Variants in DNAH11 observed in about 807,000 individuals in gnomAD.
DNAH11 encodes the protein axonemal beta dynein heavy chain 11.
A neutral mutation model predicts 526.0 loss-of-function variants in DNAH11; 442 were observed. The ratio of observed to expected loss-of-function variants is 0.84; its 90% CI spans 0.78 to 0.91. The LOEUF (loss-of-function observed/expected upper bound fraction) is 0.91, where lower values mean the gene tolerates loss of function less well. Ranked by LOEUF, DNAH11 falls within the 40% of genes least tolerant of loss-of-function variation. DNAH11 has a pLI of 0.00. For missense variants in DNAH11, 6,989 were observed against 5,448.7 expected (o/e 1.28, Z -8.90); for synonymous variants, 2,461 against 1,935.9 (o/e 1.27, Z -7.12).
At chr7:21,856,091 G>T (rs1215007730) in intron 68 of DNAH11, among the ~76,000 whole-genome samples, 1 of 152,162 alleles carries the variant, frequency 6.6e-6, no homozygotes. Flanking sequence ...TGGCTGCAGG[G>T]TAATGAGCAA....
intron 18 of DNAH11, among the ~76,000 whole-genome samples, chr7:21,604,693 A>G (rs1339744342): frequency 1.3e-5 from 2 of 152,154 alleles, no homozygotes; most frequent in Non-Finnish European, 2.9e-5. Flanking sequence ...TATTTTTACC[A>G]AGTAAAAACT....
At chr7:21,836,154 T>C (rs1781988430) in intron 65 of DNAH11, among the ~76,000 whole-genome samples, 1 of 151,902 alleles carries the variant, frequency 6.6e-6, no homozygotes, top group Non-Finnish European at 1.5e-5. Flanking sequence ...AGAATTAACA[T>C]TGTAAAACTG....
rs114404925 is a variant in DNAH11 at position 21,653,749 on chromosome 7, G to A, written c.4945-2083G>A. Reference sequence around the variant, plus strand: ...CGCTCTATCTGTGTTTAAAGTAAGCGAGAGTCTCAAAAACTCATCTATTTG... The same window carrying A: ...CGCTCTATCTGTGTTTAAAGTAAGCAAGAGTCTCAAAAACTCATCTATTTG... On this transcript the variant is annotated intron_variant, in intron 28 of 81. Coordinates refer to ENST00000409508, the MANE Select transcript of DNAH11 (RefSeq NM_001277115.2). 7.4e-3 allele frequency among the ~76,000 whole-genome samples: 1,127 copies of A among 152,254 alleles called. 14 individuals carry two copies. The highest frequency in any genetic ancestry group is 0.023 in the African/African-American group (966 of 41,544).
At chr7:21,728,374 C>T (rs80254721) in intron 45 of DNAH11, among the ~76,000 whole-genome samples, 33,183 of 150,140 alleles carry the variant, frequency 0.22, 3,873 homozygotes, top group Non-Finnish European at 0.25. Context: ...TCTCCTGCCT[C>T]AGCCTCCCGA....
At chr7:21,633,730 GC>G (rs1786728272) in intron 25 of DNAH11, among the ~76,000 whole-genome samples, 1 of 152,194 alleles carries the variant, frequency 6.6e-6, no homozygotes, top group East Asian at 1.9e-4. Context: ...AGACAGAGAG[GC>G]TTTGTGATTA....
At chr7:21,611,119 G>C in intron 20 of DNAH11, among the ~76,000 whole-genome samples, 1 of 152,142 alleles carries the variant, frequency 6.6e-6, no homozygotes, top group East Asian at 1.9e-4. Flanking sequence ...AGTGCGGGTG[G>C]GCATTGTCCA....
chr7:21,700,145 G>T (rs1041238522), intron 36 of DNAH11, among the ~76,000 whole-genome samples: 1 of 152,164 alleles, frequency 6.6e-6, no homozygotes, highest in Non-Finnish European at 1.5e-5. Flanking sequence ...TAGCTAACAA[G>T]GGATAAGGGC....
chr7:21,577,471 G>T (rs7803297), intron 8 of DNAH11, among the ~76,000 whole-genome samples: 22,912 of 152,138 alleles, frequency 0.15, 1,746 homozygotes, highest in East Asian at 0.19. Flanking sequence ...GACCATGTGG[G>T]AATCCTGGAT....
chr7:21,865,520 G>A lies in DNAH11; in HGVS notation c.11496+863G>A, dbSNP rs375901912. 1.3e-4 allele frequency among the ~76,000 whole-genome samples: 20 copies of A among 152,300 alleles called. No homozygotes were observed. The East Asian group carries it at 3.9e-3, about 29-fold the overall frequency. ...AACCAGGGGATGGGGAAGGAAAAAG[G>A]AGGAAAAGGACAGTTACTGGAACTT... On this transcript the variant is annotated intron_variant, in intron 70 of 81. Coordinates refer to ENST00000409508, the MANE Select transcript of DNAH11 (RefSeq NM_001277115.2).
chr7:21,899,272 A>G, intron 79 of DNAH11, 64 bp from the exon 80 acceptor site: 1 of 1,331,922 alleles, frequency 7.5e-7, no homozygotes, highest in Non-Finnish European at 1.1e-6. Context: ...CCCACAACAG[A>G]ACATACTGGA....
chr7:21,741,816 A>C, intron 48 of DNAH11, 111 bp from the exon 49 acceptor site: 1 of 1,262,184 alleles, frequency 7.9e-7, no homozygotes, highest in East Asian at 2.5e-5. Flanking sequence ...AGCACTAAAA[A>C]GCTACATGGT....
In DNAH11 at chr7:21,561,149, AT is replaced by A; in HGVS notation, c.966del (p.Leu323TrpfsTer17). On this transcript the variant is annotated frameshift_variant, in exon 5 of 82. Coordinates refer to ENST00000409508, the MANE Select transcript of DNAH11 (RefSeq NM_001277115.2). LOFTEE classifies it high-confidence loss of function. ...CAGCTATTTTCCTACTCTGAAGGAC[AT>A]TTTTCTGGCTGTGGAAAATGGTAAG... ...QSSYFPTLKD[I>X]FLAVENALLE... 6.3e-7 allele frequency: 1 copy of A among 1,595,800 alleles called. No individual in the cohort carries two copies. Among genetic ancestry groups the A allele is most frequent in the Non-Finnish European group, 8.5e-7 (1 of 1,170,418 alleles).
intron 25 of DNAH11, among the ~76,000 whole-genome samples, chr7:21,626,134 C>G (rs1022731149): frequency 6.6e-6 from 1 of 152,070 alleles, no homozygotes; most frequent in East Asian, 1.9e-4. Context: ...TGTAGCCACC[C>G]TACTGATCTA....
chr7:21,662,169 G>A (rs1782265827), intron 30 of DNAH11, among the ~76,000 whole-genome samples: 1 of 152,068 alleles, frequency 6.6e-6, no homozygotes, highest in East Asian at 1.9e-4. Flanking sequence ...ATAAGGGCTG[G>A]CTATTGCTGC....
intron 40 of DNAH11, among the ~76,000 whole-genome samples, chr7:21,708,061 T>C (rs567118915): frequency 6.6e-6 from 1 of 152,348 alleles, no homozygotes; most frequent in South Asian, 2.1e-4. Flanking sequence ...TTGTATTTTA[T>C]CCCACGTCAA....
In DNAH11 at chr7:21,598,221, A is replaced by G. The variant is rs111324661; in HGVS notation, c.2668-1566A>G. Among the ~76,000 whole-genome samples, 485 of 152,224 alleles carry G rather than the reference A, an allele frequency of 3.2e-3. 8 individuals carry two copies. The highest frequency in any genetic ancestry group is 0.011 in the African/African-American group (448 of 41,544). ...CACCTTATAATCAGCTCTTATTCCA[A>G]TGTCTCTTTTGCTCTGTGCTTCAGT... On this transcript the variant is annotated intron_variant, in intron 14 of 81. Transcript: ENST00000409508.
At chr7:21,827,540 T>C (rs1047974308) in intron 65 of DNAH11, among the ~76,000 whole-genome samples, 1 of 151,928 alleles carries the variant, frequency 6.6e-6, no homozygotes, top group East Asian at 1.9e-4. Flanking sequence ...TATTTTATAC[T>C]TCATTCTGTA....
intron 74 of DNAH11, among the ~76,000 whole-genome samples, chr7:21,875,127 G>A (rs1783654772): frequency 1.3e-5 from 2 of 152,164 alleles, no homozygotes; most frequent in African/African-American, 2.4e-5. Context: ...ACACAAGATT[G>A]TGTAAATAGT....
intron 79 of DNAH11, among the ~76,000 whole-genome samples, chr7:21,898,343 CG>C (rs1346179985): frequency 6.6e-6 from 1 of 152,156 alleles, no homozygotes; most frequent in Non-Finnish European, 1.5e-5. Context: ...CTTGTGGTGA[CG>C]TAAGTTTGAC....
Sources: gnomAD v4.1 joint callset for allele counts (sites outside exome capture counted in the v4.1 genomes callset) on GRCh38, gnomAD v4.1.1 for gene constraint, MANE v1.5 for transcripts, NCBI Gene and HGNC (gene_info 2026-07-23, HGNC 2026-07-21) for gene names.